Variants in POU2F1 observed in about 807,000 individuals in gnomAD.
POU2F1 encodes the protein POU domain, class 2, transcription factor 1.
In POU2F1, 16 loss-of-function variants were observed where a neutral mutation model predicts 84.9. The ratio of observed to expected loss-of-function variants is 0.19; its 90% CI spans 0.13 to 0.29. POU2F1 has a LOEUF of 0.29. Among genes scored for constraint, POU2F1 ranks in the 10% least tolerant of loss-of-function variants. The pLI is 1.00. For missense variants in POU2F1, 738 were observed against 942.6 expected, an observed-to-expected ratio of 0.78 and a Z score of 2.84; for synonymous variants, 368 against 368.3, an observed-to-expected ratio of 1.00 and a Z score of 0.01.
At chr1:167,405,295 G>C (rs1649492811) in intron 13 of POU2F1, among the ~76,000 whole-genome samples, 1 of 151,360 alleles carries the variant, frequency 6.6e-6, no homozygotes, top group Admixed American at 6.6e-5. Flanking sequence ...CAAGATACAG[G>C]AAACAAAAAG....
chr1:167,249,822 G>C (rs140281722), intron 1 of POU2F1, among the ~76,000 whole-genome samples: 2 of 152,330 alleles, frequency 1.3e-5, no homozygotes, highest in Non-Finnish European at 2.9e-5. Flanking sequence ...AGTCGTGAGA[G>C]TTCATGCTGA....
chr1:167,284,110 T>A (rs1653355646), intron 1 of POU2F1, among the ~76,000 whole-genome samples: 1 of 152,198 alleles, frequency 6.6e-6, no homozygotes, highest in Non-Finnish European at 1.5e-5. Context: ...ATCAGAACAA[T>A]TTTTCTTCCT....
At chr1:167,237,702 A>G (rs1444604328) in intron 1 of POU2F1, among the ~76,000 whole-genome samples, 1 of 142,454 alleles carries the variant, frequency 7.0e-6, no homozygotes, top group Non-Finnish European at 1.5e-5. Flanking sequence ...CCTCCAGTTA[A>G]TTGAGTTACT....
intron 1 of POU2F1, among the ~76,000 whole-genome samples, chr1:167,305,284 C>G (rs1317669096): frequency 1.3e-5 from 2 of 152,080 alleles, no homozygotes; most frequent in South Asian, 4.1e-4. Context: ...ACCTCCCAGA[C>G]TCACGTGATC....
At chr1:167,374,042 A>G in intron 5 of POU2F1, 66 bp from the exon 6 acceptor site, 1 of 1,484,774 alleles carries the variant, frequency 6.7e-7, no homozygotes. Flanking sequence ...ATTTTAAAGC[A>G]GTTGGCTTGC....
At chr1:167,405,188 A>G (rs111240052) in intron 13 of POU2F1, among the ~76,000 whole-genome samples, 7 of 152,220 alleles carry the variant, frequency 4.6e-5, no homozygotes, top group African/African-American at 1.4e-4. Context: ...CCCGCCCCCA[A>G]TTCATTTTCC....
intron 2 of POU2F1, among the ~76,000 whole-genome samples, chr1:167,352,540 G>C (rs1296181784): frequency 6.6e-6 from 1 of 152,214 alleles, no homozygotes; most frequent in Non-Finnish European, 1.5e-5. Context: ...AGGGGTGCTA[G>C]ACAAATCGGT....
intron 1 of POU2F1, among the ~76,000 whole-genome samples, chr1:167,253,027 C>T (rs1234519248): frequency 1.3e-5 from 2 of 152,092 alleles, no homozygotes; most frequent in African/African-American, 4.8e-5. Flanking sequence ...AAAAAATGGC[C>T]TTCTTTTATC....
Position 167,415,908 on chromosome 1 carries a change from T to A in POU2F1, c.*98T>A. On this transcript the variant is annotated 3_prime_UTR_variant, in exon 16 of 16. Coordinates refer to ENST00000367866, the MANE Select transcript of POU2F1 (RefSeq NM_002697.4). Reference sequence around the variant, plus strand: ...ACTGAAAAATGTGATTGGCTTCCTCTCGCCGTGTTGTGAGGGCAAAGGAGA... The same window carrying A: ...ACTGAAAAATGTGATTGGCTTCCTCACGCCGTGTTGTGAGGGCAAAGGAGA... 3 of 1,080,534 alleles carry A rather than the reference T, an allele frequency of 2.8e-6. No individual in the cohort carries two copies. Among genetic ancestry groups the A allele is most frequent in the Non-Finnish European group, 3.9e-6 (3 of 769,348 alleles). The allele number at this position is 1,080,534 out of a possible 1,614,324, so 66.9% of individuals were successfully genotyped here. A position where few individuals can be genotyped will look rare whatever the true frequency, so the allele number is the denominator to read the frequency against.
intron 1 of POU2F1, among the ~76,000 whole-genome samples, chr1:167,301,408 T>C (rs1654693825): frequency 6.6e-6 from 1 of 152,238 alleles, no homozygotes; most frequent in African/African-American, 2.4e-5. Context: ...GATAAAATTT[T>C]TTAAAAATTG....
intron 1 of POU2F1, among the ~76,000 whole-genome samples, chr1:167,316,116 G>T (rs1382401713): frequency 6.6e-6 from 1 of 152,180 alleles, no homozygotes; most frequent in Non-Finnish European, 1.5e-5. Flanking sequence ...TAGCAGGACG[G>T]AATTCTTTGT....
chr1:167,387,638 A>C (rs746009831), intron 8 of POU2F1, among the ~76,000 whole-genome samples: 12 of 152,310 alleles, frequency 7.9e-5, no homozygotes, highest in Non-Finnish European at 1.3e-4. Flanking sequence ...AAGAAGAAAA[A>C]TTCACAGCCA....
chr1:167,409,689 T>C (rs2101938594), intron 13 of POU2F1, among the ~76,000 whole-genome samples: 1 of 152,336 alleles, frequency 6.6e-6, no homozygotes, highest in Middle Eastern at 3.4e-3. Flanking sequence ...GGGATTTTCT[T>C]TGTAAACTTA....
intron 10 of POU2F1, 137 bp downstream of exon 10, chr1:167,396,564 A>T: frequency 1.3e-6 from 1 of 795,110 alleles, no homozygotes; most frequent in East Asian, 2.7e-5. Context: ...TGGGAGGATC[A>T]TTATAAATTA....
At chr1:167,268,521 A>G (rs1571200056) in intron 1 of POU2F1, among the ~76,000 whole-genome samples, 1 of 152,180 alleles carries the variant, frequency 6.6e-6, no homozygotes, top group East Asian at 1.9e-4. Flanking sequence ...GCCTCCCATT[A>G]GGCTGCCATG....
At chr1:167,260,937 A>AT (rs969050903) in intron 1 of POU2F1, among the ~76,000 whole-genome samples, 1 of 152,122 alleles carries the variant, frequency 6.6e-6, no homozygotes, top group South Asian at 2.1e-4. Context: ...AATTAACTAT[A>AT]TTTTTTTGTT....
chr1:167,302,118 C>T (rs1164696122), intron 1 of POU2F1, among the ~76,000 whole-genome samples: 1 of 151,932 alleles, frequency 6.6e-6, no homozygotes, highest in East Asian at 1.9e-4. Context: ...CCCAGGCAGG[C>T]CGGAGGGCAG....
At chr1:167,237,762 ATATATATATATTTTTTTTTTTTTTTT>A (rs1649587449) in intron 1 of POU2F1, among the ~76,000 whole-genome samples, 1 of 20,000 alleles carries the variant, frequency 5.0e-5, no homozygotes, top group Non-Finnish European at 1.3e-4. Context: ...ATATATATAT[ATATATATATATTTTTTTTTTTTTTTT>A]TTTTTTTTTT....
At chr1:167,401,649 C>G (rs1037209823) in intron 13 of POU2F1, 93 bp downstream of exon 13, 1 of 696,928 alleles carries the variant, frequency 1.4e-6, no homozygotes, top group African/African-American at 1.9e-5. Flanking sequence ...GAATTAAGGC[C>G]CTAACTAAAG....
Sources: gnomAD v4.1 joint callset for allele counts (sites outside exome capture counted in the v4.1 genomes callset) on GRCh38, gnomAD v4.1.1 for gene constraint, MANE v1.5 for transcripts, NCBI Gene and HGNC (gene_info 2026-07-23, HGNC 2026-07-21) for gene names.